ELOVL5: variants seen among roughly 807,000 people sequenced by gnomAD.
ELOVL5 encodes the protein very long chain fatty acid elongase 5.
A neutral mutation model predicts 38.6 loss-of-function variants in ELOVL5; 8 were observed. That is an observed-to-expected ratio of 0.21 (90% CI 0.12 to 0.37). The LOEUF (loss-of-function observed/expected upper bound fraction) is 0.37. Ranked by LOEUF, ELOVL5 falls within the 10% of genes least tolerant of loss-of-function variation. ELOVL5 has a pLI of 1.00. For missense variants in ELOVL5, 280 were observed against 367.8 expected (o/e 0.76, Z 1.95); for synonymous variants, 127 against 133.7 (o/e 0.95, Z 0.34).
At chr6:53,310,384 C>G (rs1767780812) in intron 1 of ELOVL5, among the ~76,000 whole-genome samples, 1 of 152,036 alleles carries the variant, frequency 6.6e-6, no homozygotes, top group Non-Finnish European at 1.5e-5. Context: ...AAGTAGTTAA[C>G]TCTAGGTTTA....
intron 1 of ELOVL5, among the ~76,000 whole-genome samples, chr6:53,309,840 G>A (rs1046429572): frequency 6.6e-6 from 1 of 152,222 alleles, no homozygotes; most frequent in Admixed American, 6.5e-5. Context: ...GAGCTCAGAA[G>A]CAGATCTTCT....
intron 1 of ELOVL5, among the ~76,000 whole-genome samples, chr6:53,317,839 AAAAATAAAAT>A (rs201054509): frequency 6.7e-6 from 1 of 150,336 alleles, no homozygotes; most frequent in Admixed American, 6.6e-5. Context: ...AAAAATTAAA[AAAAATAAAAT>A]AAAATAAAAT....
intron 2 of ELOVL5, among the ~76,000 whole-genome samples, chr6:53,295,259 A>C (rs1045898933): frequency 3.9e-5 from 6 of 152,242 alleles, no homozygotes; most frequent in Non-Finnish European, 7.3e-5. Context: ...ATACAAAATG[A>C]GAAGACCTTA....
intron 1 of ELOVL5, among the ~76,000 whole-genome samples, chr6:53,346,349 T>C (rs189097414): frequency 5.4e-4 from 82 of 152,316 alleles, no homozygotes; most frequent in Middle Eastern, 3.4e-3. Flanking sequence ...TTTGCTATTG[T>C]AAATGGTGCT....
intron 1 of ELOVL5, among the ~76,000 whole-genome samples, chr6:53,321,105 A>AC (rs1466381187): frequency 6.6e-6 from 1 of 152,248 alleles, no homozygotes; most frequent in African/African-American, 2.4e-5. Flanking sequence ...TAATCACCAG[A>AC]CAAGAGATCC....
In ELOVL5 at chr6:53,344,925, C is replaced by T. The variant is rs140251711; in HGVS notation, c.-9+3892G>A. ...GTAAGGCTAAATTCTAATTTTAATT[C>T]AAGTCAATTTAGTTTAATCCAATCA... On this transcript the variant is annotated intron_variant, in intron 1 of 7. Coordinates refer to ENST00000304434, the MANE Select transcript of ELOVL5 (RefSeq NM_021814.5). Among the ~76,000 whole-genome samples, 675 of 152,264 alleles carry T rather than the reference C, an allele frequency of 4.4e-3. 9 individuals are homozygous for T. The highest frequency in any genetic ancestry group is 0.016 in the African/African-American group (645 of 41,536).
rs76012152 is a variant in ELOVL5, at chr6:53,304,279, G to A, written c.-8-8572C>T. 2.8e-3 allele frequency among the ~76,000 whole-genome samples: 429 copies of A among 152,238 alleles called. 4 individuals carry two copies. Among genetic ancestry groups the A allele is most frequent in the African/African-American group, 9.8e-3 (406 of 41,556 alleles). On this transcript the variant is annotated intron_variant, in intron 1 of 7. Transcript: ENST00000304434. ...TCCTAGTTACAGATGGCATTTCCTC[G>A]GGGAAAACTTTCTCAGTGCTAGTTA...
intron 6 of ELOVL5, among the ~76,000 whole-genome samples, chr6:53,272,000 T>C (rs1765947575): frequency 6.6e-6 from 1 of 152,162 alleles, no homozygotes; most frequent in African/African-American, 2.4e-5. Flanking sequence ...TAATCAACAA[T>C]TTTCCTTTTT....
intron 1 of ELOVL5, among the ~76,000 whole-genome samples, chr6:53,324,872 C>G (rs2127589203): frequency 6.6e-6 from 1 of 152,082 alleles, no homozygotes; most frequent in Non-Finnish European, 1.5e-5. Flanking sequence ...TGAGGTTTGA[C>G]AGAAGAAACT....
intron 1 of ELOVL5, among the ~76,000 whole-genome samples, chr6:53,312,988 A>G (rs1430640758): frequency 6.6e-6 from 1 of 152,208 alleles, no homozygotes; most frequent in Non-Finnish European, 1.5e-5. Flanking sequence ...CTTCCCAGTA[A>G]ACATTTTCTT....
intron 1 of ELOVL5, among the ~76,000 whole-genome samples, chr6:53,330,669 A>G (rs1561890935): frequency 2.6e-5 from 4 of 151,816 alleles, no homozygotes; most frequent in Admixed American, 1.3e-4. Context: ...CTACAGGTGC[A>G]TGCCACTGTT....
intron 6 of ELOVL5, 105 bp from the exon 7 acceptor site, chr6:53,270,832 T>G (rs906796946): frequency 7.6e-7 from 1 of 1,307,752 alleles, no homozygotes; most frequent in Non-Finnish European, 1.1e-6. Flanking sequence ...GAATTAACAC[T>G]TACTACCCTT....
chr6:53,298,563 T>C (rs185800043), intron 1 of ELOVL5, among the ~76,000 whole-genome samples: 25 of 152,232 alleles, frequency 1.6e-4, no homozygotes, highest in Admixed American at 1.6e-3. Flanking sequence ...TAACTGCCTT[T>C]AAGAAGATTA....
Position 53,292,197 on chromosome 6 carries a change from A to G in ELOVL5, c.59-234T>C, listed in dbSNP as rs552846207. Among the ~76,000 whole-genome samples the G allele has an allele frequency of 3.9e-5, 6 of 152,340 alleles. 1 individual carries two copies. The highest frequency in any genetic ancestry group is 1.4e-4 in the African/African-American group (6 of 41,574). On this transcript the variant is annotated intron_variant, in intron 2 of 7. Transcript: ENST00000304434. Reference sequence around the variant, plus strand: ...TTCATGATTTTTGCTCAGTAAAATAATAATACAAATATTCTTTCCAAAGAA... The same window carrying G: ...TTCATGATTTTTGCTCAGTAAAATAGTAATACAAATATTCTTTCCAAAGAA...
At chr6:53,271,113 T>C (rs901673853) in intron 6 of ELOVL5, among the ~76,000 whole-genome samples, 3 of 152,216 alleles carry the variant, frequency 2.0e-5, no homozygotes, top group Admixed American at 6.5e-5. Context: ...TCCTTATCCA[T>C]GGACGCTTCT....
At chr6:53,280,902 A>G (rs1237200523) in intron 3 of ELOVL5, among the ~76,000 whole-genome samples, 1 of 152,136 alleles carries the variant, frequency 6.6e-6, no homozygotes, top group African/African-American at 2.4e-5. Context: ...GCCAGGAGTG[A>G]ATCATTTTTA....
intron 1 of ELOVL5, among the ~76,000 whole-genome samples, chr6:53,343,921 C>T (rs770635314): frequency 1.2e-4 from 19 of 152,240 alleles, no homozygotes; most frequent in Admixed American, 4.6e-4. Context: ...CATCTGGCTG[C>T]ACCACCTTTG....
At chr6:53,337,749 A>C (rs1268923918) in intron 1 of ELOVL5, among the ~76,000 whole-genome samples, 1 of 152,234 alleles carries the variant, frequency 6.6e-6, no homozygotes, top group Non-Finnish European at 1.5e-5. Flanking sequence ...GGAATCAAGA[A>C]AACAGAGGCA....
At chr6:53,298,900 C>CGGGGGGGGGGAGGGG (rs1767132401) in intron 1 of ELOVL5, among the ~76,000 whole-genome samples, 2 of 79,334 alleles carry the variant, frequency 2.5e-5, no homozygotes. Flanking sequence ...GGGGGCAAGG[C>CGGGGGGGGGGAGGGG]GGGGGGGGGG....
Sources: gnomAD v4.1 joint callset for allele counts (sites outside exome capture counted in the v4.1 genomes callset) on GRCh38, gnomAD v4.1.1 for gene constraint, MANE v1.5 for transcripts, NCBI Gene and HGNC (gene_info 2026-07-23, HGNC 2026-07-21) for gene names.